SGCZ: variants seen among roughly 807,000 people sequenced by gnomAD.
SGCZ encodes sarcoglycan zeta, also known as zeta-sarcoglycan.
Under a neutral mutation model 41.3 loss-of-function variants are expected in SGCZ, and 40 were observed. That is an observed-to-expected ratio of 0.97 (90% CI 0.75 to 1.26). SGCZ has a LOEUF of 1.26. Among genes scored for constraint, SGCZ ranks in the 50% most tolerant of loss-of-function variants. The pLI is 0.00. For missense variants in SGCZ, 552 were observed against 369.8 expected, an observed-to-expected ratio of 1.49 and a Z score of -4.04; for synonymous variants, 206 against 137.5, an observed-to-expected ratio of 1.50 and a Z score of -3.49.
chr8:14,594,859 AT>A (rs1805357485), intron 1 of SGCZ, among the ~76,000 whole-genome samples: 1 of 151,794 alleles, frequency 6.6e-6, no homozygotes. Flanking sequence ...TTTACCAACA[AT>A]TACATATTAT....
Position 14,088,791 on chromosome 8 carries a change from T to C in SGCZ, c.*1652A>G, listed in dbSNP as rs903791736. 2.0e-5 allele frequency among the ~76,000 whole-genome samples: 3 copies of C among 151,884 alleles called. No homozygotes were observed. Among genetic ancestry groups the C allele is most frequent in the African/African-American group, 7.2e-5 (3 of 41,404 alleles). ...GATAATTCTGGTCAAATATTTCACT[T>C]TTCTTCTTGCATTGCCAATATTTCT... is the stretch of plus-strand genomic sequence containing the variant. On this transcript the variant is annotated 3_prime_UTR_variant, in exon 8 of 8. Transcript: ENST00000382080.
At chr8:14,985,002 A>G (rs185660782) in intron 1 of SGCZ, among the ~76,000 whole-genome samples, 1 of 152,270 alleles carries the variant, frequency 6.6e-6, no homozygotes, top group Non-Finnish European at 1.5e-5. Context: ...TTCTTTAAAA[A>G]TATCACGATG....
intron 1 of SGCZ, among the ~76,000 whole-genome samples, chr8:15,156,913 C>A (rs1437861043): frequency 6.6e-6 from 1 of 150,422 alleles, no homozygotes; most frequent in African/African-American, 2.5e-5. Flanking sequence ...GCATCGCACT[C>A]CGCCTGGGCA....
chr8:14,213,877 G>T (rs1361898524), intron 4 of SGCZ, among the ~76,000 whole-genome samples: 1 of 152,096 alleles, frequency 6.6e-6, no homozygotes, highest in Admixed American at 6.6e-5. Flanking sequence ...CGTAATATAT[G>T]TACATACTAG....
chr8:15,194,859 A>T (rs1800670137), intron 1 of SGCZ, among the ~76,000 whole-genome samples: 1 of 152,196 alleles, frequency 6.6e-6, no homozygotes, highest in Non-Finnish European at 1.5e-5. Context: ...CCTATAAGGT[A>T]AGTTTGTGTT....
At chr8:14,882,409 G>A (rs935555243) in intron 1 of SGCZ, among the ~76,000 whole-genome samples, 2 of 152,120 alleles carry the variant, frequency 1.3e-5, no homozygotes, top group South Asian at 2.1e-4. Context: ...CAGATTTATC[G>A]ATGATGAGAG....
chr8:14,478,732 CA>C (rs1801435335), intron 2 of SGCZ, among the ~76,000 whole-genome samples: 1 of 152,104 alleles, frequency 6.6e-6, no homozygotes, highest in Non-Finnish European at 1.5e-5. Flanking sequence ...ATATTTCCCC[CA>C]AAAAATTAAT....
chr8:14,095,139 A>G (rs1225310330), intron 7 of SGCZ, among the ~76,000 whole-genome samples: 1 of 152,012 alleles, frequency 6.6e-6, no homozygotes, highest in African/African-American at 2.4e-5. Flanking sequence ...ATTAGATCCT[A>G]TTTGTCAATA....
At chr8:14,860,743 T>A (rs149150870) in intron 1 of SGCZ, among the ~76,000 whole-genome samples, 8,901 of 112,218 alleles carry the variant, frequency 0.079, 565 homozygotes, top group African/African-American at 0.22. Context: ...AGAAAGTAAG[T>A]AAGTAAGTGA....
chr8:14,777,898 C>CA (rs200331185), intron 1 of SGCZ, among the ~76,000 whole-genome samples: 24,254 of 118,990 alleles, frequency 0.2, 3,246 homozygotes, highest in African/African-American at 0.43. Flanking sequence ...AAATTATTTC[C>CA]AAAAAAAAAA....
At chr8:15,129,097 A>T (rs1425181050) in intron 1 of SGCZ, among the ~76,000 whole-genome samples, 2 of 152,142 alleles carry the variant, frequency 1.3e-5, no homozygotes, top group African/African-American at 4.8e-5. Flanking sequence ...TCTTGTAATA[A>T]TCCTTTCAAA....
chr8:14,670,427 T>A (rs1808066135), intron 1 of SGCZ, among the ~76,000 whole-genome samples: 1 of 152,214 alleles, frequency 6.6e-6, no homozygotes, highest in African/African-American at 2.4e-5. Context: ...CAAATTGGTA[T>A]GTTTCAAGGT....
At chr8:14,962,204 T>C (rs886895808) in intron 1 of SGCZ, among the ~76,000 whole-genome samples, 1 of 152,152 alleles carries the variant, frequency 6.6e-6, no homozygotes, top group Non-Finnish European at 1.5e-5. Context: ...GATTTATTTT[T>C]CCAAATCTCT....
rs1345994248 is a variant in SGCZ, at chr8:14,822,230, TC to T, written c.40-267305del. Among the ~76,000 whole-genome samples the T allele has an allele frequency of 2.0e-5, 3 of 152,058 alleles. No homozygotes were observed. The South Asian group carries it at 6.2e-4, about 31-fold the overall frequency. Reference sequence around the variant, plus strand: ...TGAAGAAGAAATCAACAAAACAATTTCATTTCTGATAGCTACAAAAAAAATG... The same window carrying T: ...TGAAGAAGAAATCAACAAAACAATTTATTTCTGATAGCTACAAAAAAAATG... On this transcript the variant is annotated intron_variant, in intron 1 of 7. Transcript: ENST00000382080.
chr8:14,110,164 G>C (rs141749367), intron 5 of SGCZ, among the ~76,000 whole-genome samples: 3 of 152,076 alleles, frequency 2.0e-5, no homozygotes, highest in Non-Finnish European at 4.4e-5. Flanking sequence ...TGTGATTATA[G>C]TGGGGATAGC....
intron 2 of SGCZ, among the ~76,000 whole-genome samples, chr8:14,418,498 T>A (rs1585483069): frequency 6.6e-6 from 1 of 151,938 alleles, no homozygotes; most frequent in East Asian, 1.9e-4. Flanking sequence ...ACTGCTTTTA[T>A]AGAAAGGAAA....
chr8:14,787,571 G>T (rs572520839), intron 1 of SGCZ, among the ~76,000 whole-genome samples: 2 of 152,166 alleles, frequency 1.3e-5, no homozygotes, highest in East Asian at 1.9e-4. Context: ...CAGCCGGGCG[G>T]GATACAGGTT....
chr8:14,704,866 T>G (rs1809283319), intron 1 of SGCZ, among the ~76,000 whole-genome samples: 1 of 151,974 alleles, frequency 6.6e-6, no homozygotes, highest in Non-Finnish European at 1.5e-5. Context: ...AATATATTGG[T>G]AAGCAAGCCA....
chr8:14,973,244 T>C (rs1277559903), intron 1 of SGCZ, among the ~76,000 whole-genome samples: 1 of 152,142 alleles, frequency 6.6e-6, no homozygotes, highest in African/African-American at 2.4e-5. Context: ...CTTTGAAATG[T>C]CATCATCGAG....
Sources: allele counts gnomAD v4.1 joint callset (sites outside exome capture counted in the v4.1 genomes callset), GRCh38; gene constraint gnomAD v4.1.1; transcripts MANE v1.5; gene names NCBI Gene and HGNC (gene_info 2026-07-23, HGNC 2026-07-21).